Variants in MFHAS1 observed in about 807,000 individuals in gnomAD.
MFHAS1 encodes malignant fibrous histiocytoma-amplified sequence 1.
In MFHAS1, 50 loss-of-function variants were observed where a neutral mutation model predicts 70.4. The observed-to-expected ratio is 0.71, with a 90% confidence interval of 0.57 to 0.90. The LOEUF (loss-of-function observed/expected upper bound fraction) is 0.90, where lower values mean the gene tolerates loss of function less well. Among genes scored for constraint, MFHAS1 ranks in the 40% least tolerant of loss-of-function variants. The pLI is 0.00. For synonymous variants in MFHAS1, 952 were observed against 620.0 expected, an observed-to-expected ratio of 1.54 and a Z score of -7.96; for missense variants, 1,795 against 1,347.6, an observed-to-expected ratio of 1.33 and a Z score of -5.20.
At chr8:8,790,524 C>A (rs1031696918) in intron 2 of MFHAS1, 1 of 293,494 alleles carries the variant, frequency 3.4e-6, no homozygotes. Context: ...CTTGTTAAAA[C>A]AGCAAGGCAA....
intron 1 of MFHAS1, among the ~76,000 whole-genome samples, chr8:8,833,054 G>T (rs1036568238): frequency 4.6e-5 from 7 of 152,158 alleles, no homozygotes; most frequent in Non-Finnish European, 8.8e-5. Context: ...GGGGGAGCAG[G>T]TGTCTTACAT....
intron 1 of MFHAS1, among the ~76,000 whole-genome samples, chr8:8,848,375 GC>G (rs1159154591): frequency 6.7e-6 from 1 of 148,566 alleles, no homozygotes; most frequent in African/African-American, 2.5e-5. Flanking sequence ...TTTAAAAAGG[GC>G]CAGTCAGGCC....
In MFHAS1 at chr8:8,892,771, C is replaced by T. The variant is rs1317261210; in HGVS notation, c.288G>A (p.Arg96=). ...CCGGGGGCAGCCGGGCGAAGCGGTT[C>T]CTGCGCAGGACCAGGACGCGCAGGC... ...LGSLRVLVLR[R]NRFARLPPAV... The change falls in exon 1 of 3, where the codon AGG becomes AGA. Residue 96 remains arginine (R), a synonymous_variant. Coordinates refer to ENST00000276282, the MANE Select transcript of MFHAS1 (RefSeq NM_004225.3). This position sits in a 1 kb window ranked among gnomAD's most constrained non-coding sequence, Gnocchi z 4.7. 5.1e-6 allele frequency: 8 copies of T among 1,582,516 alleles called. No homozygotes were observed. The highest frequency in any genetic ancestry group is 1.7e-6 in the Non-Finnish European group (2 of 1,165,572).
chr8:8,787,154 C>T (rs921065152), intron 2 of MFHAS1, among the ~76,000 whole-genome samples: 3 of 151,506 alleles, frequency 2.0e-5, no homozygotes, highest in Non-Finnish European at 2.9e-5. Context: ...AATCTCGGCT[C>T]ACTGCAAGCT....
intron 1 of MFHAS1, among the ~76,000 whole-genome samples, chr8:8,877,485 G>A (rs868358075): frequency 6.6e-6 from 1 of 152,064 alleles, no homozygotes; most frequent in Non-Finnish European, 1.5e-5. Context: ...GGTCTATTAG[G>A]GTAAGATTTA....
intron 1 of MFHAS1, among the ~76,000 whole-genome samples, chr8:8,799,235 T>G (rs1806005858): frequency 6.6e-6 from 1 of 152,096 alleles, no homozygotes; most frequent in Admixed American, 6.5e-5. Context: ...ATTTATAAAT[T>G]AGGCACAGTA....
intron 1 of MFHAS1, among the ~76,000 whole-genome samples, chr8:8,800,577 A>G (rs1171520546): frequency 5.9e-5 from 9 of 152,094 alleles, no homozygotes; most frequent in Non-Finnish European, 1.5e-5. Flanking sequence ...CAGGACTCCA[A>G]CGAGAAGTTG....
intron 1 of MFHAS1, among the ~76,000 whole-genome samples, chr8:8,800,171 C>G (rs17630714): frequency 2.6e-5 from 4 of 152,058 alleles, no homozygotes; most frequent in African/African-American, 9.7e-5. Context: ...AATTTCCTGA[C>G]GTGTACATTT....
At chr8:8,871,901 A>G (rs1357668189) in intron 1 of MFHAS1, among the ~76,000 whole-genome samples, 1 of 152,186 alleles carries the variant, frequency 6.6e-6, no homozygotes, top group Non-Finnish European at 1.5e-5. Context: ...GCATGGCAAT[A>G]TTCATCTCTA....
intron 1 of MFHAS1, among the ~76,000 whole-genome samples, chr8:8,852,724 T>C (rs147661902): frequency 1.2e-3 from 183 of 152,318 alleles, no homozygotes; most frequent in African/African-American, 4.4e-3. Flanking sequence ...GAAAAAGCTT[T>C]CTATTTTTGC....
At chr8:8,861,630 T>A (rs576741213) in intron 1 of MFHAS1, among the ~76,000 whole-genome samples, 26 of 152,184 alleles carry the variant, frequency 1.7e-4, no homozygotes, top group Non-Finnish European at 3.5e-4. Flanking sequence ...AACGTAGAAC[T>A]TGATGCATTT....
intron 1 of MFHAS1, among the ~76,000 whole-genome samples, chr8:8,883,785 G>A (rs969219989): frequency 6.8e-6 from 1 of 146,890 alleles, no homozygotes; most frequent in African/African-American, 2.5e-5. Flanking sequence ...AAGAAAAACA[G>A]AAATGTCCAA....
intron 1 of MFHAS1, among the ~76,000 whole-genome samples, chr8:8,849,253 G>T (rs542795266): frequency 1.8e-3 from 275 of 151,756 alleles, no homozygotes; most frequent in African/African-American, 6.4e-3. Flanking sequence ...GCTAATTTTT[G>T]TATTTTTAAT....
chr8:8,851,161 G>A (rs997891316), intron 1 of MFHAS1, among the ~76,000 whole-genome samples: 2 of 152,160 alleles, frequency 1.3e-5, no homozygotes, highest in Non-Finnish European at 2.9e-5. Flanking sequence ...CCTAACCCTT[G>A]GTGGTTTTCA....
chr8:8,849,370 C>T (rs1439865400), intron 1 of MFHAS1, among the ~76,000 whole-genome samples: 1 of 152,070 alleles, frequency 6.6e-6, no homozygotes, highest in Non-Finnish European at 1.5e-5. Flanking sequence ...TGTGAGCCAC[C>T]GCACCCAGCC....
At chr8:8,849,234 C>A (rs1808151775) in intron 1 of MFHAS1, among the ~76,000 whole-genome samples, 1 of 151,974 alleles carries the variant, frequency 6.6e-6, no homozygotes, top group Admixed American at 6.6e-5. Flanking sequence ...GCGTGAGCCA[C>A]CATGCCCAGC....
chr8:8,805,673 C>G (rs1806263394), intron 1 of MFHAS1, among the ~76,000 whole-genome samples: 2 of 151,930 alleles, frequency 1.3e-5, no homozygotes, highest in South Asian at 4.2e-4. Context: ...TCATGACAAC[C>G]TTTTGTTTGG....
At position 8,890,236 on chromosome 8, in the gene MFHAS1, C is replaced by T. The variant is rs375679742; in HGVS notation, c.2823G>A (p.Leu941=). 8.4e-5 allele frequency: 135 copies of T among 1,614,000 alleles called. No individual in the cohort carries two copies. Among genetic ancestry groups the T allele is most frequent in the Admixed American group, 2.8e-4 (17 of 59,996 alleles). ...PARGVLQPDT[L]SIASHASLPN... is the part of the protein sequence containing the mutation. ...GTAATGATGCATGGCTAGCAATGGA[C>T]AGGGTGTCTGGCTGCAGGACTCCCC... Residue 941 remains leucine (L), a synonymous_variant, in exon 1 of 3, where the codon CTG becomes CTA. Coordinates refer to ENST00000276282, the MANE Select transcript of MFHAS1 (RefSeq NM_004225.3).
chr8:8,872,989 G>C (rs1250607059), intron 1 of MFHAS1, among the ~76,000 whole-genome samples: 1 of 152,166 alleles, frequency 6.6e-6, no homozygotes, highest in Non-Finnish European at 1.5e-5. Flanking sequence ...TGAGCCATCT[G>C]GGAGTGAGGG....
Sources: gnomAD v4.1 joint callset for allele counts (sites outside exome capture counted in the v4.1 genomes callset) on GRCh38, gnomAD v4.1.1 for gene constraint, Gnocchi (gnomAD v3.1) non-coding constraint, MANE v1.5 for transcripts, NCBI Gene and HGNC (gene_info 2026-07-23, HGNC 2026-07-21) for gene names.